The following NPFFR2 variants were observed in gnomAD, a reference collection of about 807,000 sequenced individuals.
NPFFR2 encodes the protein G-protein coupled receptor 74.
Under a neutral mutation model 13.1 loss-of-function variants are expected in NPFFR2, and 15 were observed. The observed-to-expected ratio is 1.15, with a 90% CI of 0.77 to 1.76. NPFFR2 has a LOEUF of 1.76. NPFFR2 is among the 40% of genes most tolerant of loss of function. NPFFR2 has a pLI of 0.00. For missense variants in NPFFR2, 572 were observed against 503.5 expected, an observed-to-expected ratio of 1.14 and a Z score of -1.30; for synonymous variants, 190 against 175.7, an observed-to-expected ratio of 1.08 and a Z score of -0.65.
chr4:72,120,870 C>T (rs1311706998), intron 1 of NPFFR2, among the ~76,000 whole-genome samples: 1 of 151,964 alleles, frequency 6.6e-6, no homozygotes, highest in Non-Finnish European at 1.5e-5. Context: ...TCCTTGCCAG[C>T]AAAGGAACAA....
intron 1 of NPFFR2, among the ~76,000 whole-genome samples, chr4:72,050,770 C>T (rs968574271): frequency 2.7e-5 from 4 of 149,102 alleles, no homozygotes; most frequent in African/African-American, 7.4e-5. Flanking sequence ...CACCTCCCCC[C>T]ACCCCACAAC....
At chr4:72,144,590 G>C (rs777254058) in intron 3 of NPFFR2, among the ~76,000 whole-genome samples, 1 of 151,880 alleles carries the variant, frequency 6.6e-6, no homozygotes, top group African/African-American at 2.4e-5. Context: ...TTACAGTTAC[G>C]TTCCAAAGCA....
intron 1 of NPFFR2, among the ~76,000 whole-genome samples, chr4:72,049,258 T>C (rs956464678): frequency 2.6e-5 from 4 of 152,144 alleles, no homozygotes; most frequent in African/African-American, 9.6e-5. Flanking sequence ...TTAAATAGCA[T>C]CTTTTGCAAT....
intron 1 of NPFFR2, chr4:72,068,822 A>C (rs9884712): frequency 0.92 from 333,913 of 364,750 alleles, 155,659 homozygotes; most frequent in Non-Finnish European, 0.98. Context: ...TAGAATATGA[A>C]TGCCTGAGGT....
chr4:72,033,272 T>C (rs9918018), intron 1 of NPFFR2, among the ~76,000 whole-genome samples: 12,358 of 152,254 alleles, frequency 0.081, 1,640 homozygotes, highest in African/African-American at 0.28. Context: ...AATAGTGCCA[T>C]TATCATCAAC....
Position 72,032,006 on chromosome 4 carries a change from C to G in NPFFR2, c.-202C>G, listed in dbSNP as rs115834666. On this transcript the variant is annotated 5_prime_UTR_variant, in exon 1 of 4. Transcript: ENST00000308744. Reference sequence around the variant, plus strand: ...CGGGGAGGGAGCGCAGAGCACTCAGCGTCCAGCAGCGCGGCGGGCCAGCCT... The same window carrying G: ...CGGGGAGGGAGCGCAGAGCACTCAGGGTCCAGCAGCGCGGCGGGCCAGCCT... The G allele has an allele frequency of 1.6e-3, 2,651 of 1,613,554 alleles. 42 individuals carry two copies. In the African/African-American group the frequency reaches 0.031, roughly 19 times the overall value.
intron 1 of NPFFR2, among the ~76,000 whole-genome samples, chr4:72,038,125 G>A (rs886481447): frequency 1.3e-4 from 19 of 151,958 alleles, no homozygotes; most frequent in African/African-American, 4.4e-4. Flanking sequence ...ACTTTTGCAC[G>A]TGATGCTCTC....
At chr4:72,041,618 G>A (rs1232093510) in intron 1 of NPFFR2, among the ~76,000 whole-genome samples, 1 of 152,150 alleles carries the variant, frequency 6.6e-6, no homozygotes, top group East Asian at 1.9e-4. Context: ...CCCACCAACA[G>A]TATATAAGCA....
intron 1 of NPFFR2, among the ~76,000 whole-genome samples, chr4:72,035,459 A>G (rs530228675): frequency 6.7e-4 from 102 of 152,108 alleles, no homozygotes; most frequent in African/African-American, 2.3e-3. Flanking sequence ...AGCCTCAAGC[A>G]TAGTATGAAT....
At chr4:72,081,128 A>G (rs1720605412) in intron 1 of NPFFR2, among the ~76,000 whole-genome samples, 2 of 152,118 alleles carry the variant, frequency 1.3e-5, no homozygotes, top group Middle Eastern at 3.4e-3. Flanking sequence ...CTGAAAATTC[A>G]CCTCCCCAGC....
chr4:72,119,623 G>A (rs536035325), intron 1 of NPFFR2, among the ~76,000 whole-genome samples: 20 of 152,256 alleles, frequency 1.3e-4, no homozygotes, highest in African/African-American at 4.8e-4. Flanking sequence ...TGCAGCCCAC[G>A]GAGGGTGAGC....
At chr4:72,127,136 A>C (rs992215132) in intron 1 of NPFFR2, among the ~76,000 whole-genome samples, 1 of 150,854 alleles carries the variant, frequency 6.6e-6, no homozygotes, top group African/African-American at 2.4e-5. Flanking sequence ...CCCCGTCTCT[A>C]CTAAAAATAC....
chr4:72,144,196 G>A (rs1722708890), intron 3 of NPFFR2, among the ~76,000 whole-genome samples: 1 of 110,068 alleles, frequency 9.1e-6, no homozygotes, highest in Admixed American at 8.8e-5. Context: ...ACTTGAATAT[G>A]TGGGGGCCTA....
intron 1 of NPFFR2, among the ~76,000 whole-genome samples, chr4:72,055,297 T>TATA (rs1719711641): frequency 3.9e-5 from 1 of 25,758 alleles, no homozygotes; most frequent in African/African-American, 6.7e-5. Context: ...CGGTAATTCT[T>TATA]GTGATAATAA....
At chr4:72,140,636 T>G (rs1208122142) in intron 3 of NPFFR2, among the ~76,000 whole-genome samples, 1 of 152,228 alleles carries the variant, frequency 6.6e-6, no homozygotes, top group Non-Finnish European at 1.5e-5. Context: ...ATAAGTTTTT[T>G]GATGTGCTGC....
chr4:72,053,224 CAAT>C (rs1719642096), intron 1 of NPFFR2, among the ~76,000 whole-genome samples: 1 of 151,696 alleles, frequency 6.6e-6, no homozygotes, highest in Admixed American at 6.6e-5. Flanking sequence ...AAATAGAAAA[CAAT>C]AATAATGACA....
chr4:72,118,598 G>A (rs529691728), intron 1 of NPFFR2, among the ~76,000 whole-genome samples: 4 of 151,940 alleles, frequency 2.6e-5, no homozygotes, highest in Admixed American at 6.6e-5. Context: ...AGACATGCAC[G>A]TACCTTTAAA....
intron 1 of NPFFR2, among the ~76,000 whole-genome samples, chr4:72,106,639 A>G (rs1398206961): frequency 6.6e-6 from 1 of 151,980 alleles, no homozygotes; most frequent in Non-Finnish European, 1.5e-5. Context: ...CTGCCACTCT[A>G]AACTTGCTCA....
chr4:72,094,193 G>A (rs1720989800), intron 1 of NPFFR2, among the ~76,000 whole-genome samples: 1 of 152,150 alleles, frequency 6.6e-6, no homozygotes, highest in African/African-American at 2.4e-5. Context: ...TTGTCTTCAG[G>A]TCTCTCAGCT....
Sources: allele counts gnomAD v4.1 joint callset (sites outside exome capture counted in the v4.1 genomes callset), GRCh38; gene constraint gnomAD v4.1.1; transcripts MANE v1.5; gene names NCBI Gene and HGNC (gene_info 2026-07-23, HGNC 2026-07-21).